GAS6: variants seen among roughly 807,000 people sequenced by gnomAD.
GAS6 encodes the protein growth arrest-specific protein 6.
Under a neutral mutation model 75.8 loss-of-function variants are expected in GAS6, and 41 were observed. The observed-to-expected ratio is 0.54, with a 90% CI of 0.42 to 0.70. The LOEUF is 0.70. Among genes scored for constraint, GAS6 ranks in the 30% least tolerant of loss-of-function variants. The pLI is 0.00. For synonymous variants in GAS6, 432 were observed against 412.6 expected (o/e 1.05, Z -0.57); for missense variants, 854 against 940.2 (o/e 0.91, Z 1.20).
At chr13:113,855,086 T>C (rs1432514602) in intron 2 of GAS6, among the ~76,000 whole-genome samples, 3 of 152,212 alleles carry the variant, frequency 2.0e-5, no homozygotes, top group South Asian at 2.1e-4. Context: ...TTTGTGATCA[T>C]ATAAAACAGC....
intron 3 of GAS6, chr13:113,847,676 T>G: frequency 3.2e-6 from 1 of 315,746 alleles, no homozygotes; most frequent in East Asian, 9.8e-5. Flanking sequence ...CATGGACCCC[T>G]TTGGGGTCCT....
chr13:113,841,127 G>C (rs1288024572), intron 4 of GAS6: 1 of 152,220 alleles, frequency 6.6e-6, no homozygotes, highest in Non-Finnish European at 1.5e-5. Flanking sequence ...GTCTGGGCTC[G>C]GCTGTCAGTG....
chr13:113,844,130 T>G lies in GAS6; in HGVS notation c.343+2397A>C, dbSNP rs1260321905. The G allele has an allele frequency of 6.7e-6, 1 of 150,230 alleles. No individual in the cohort carries two copies. Among genetic ancestry groups the G allele is most frequent in the African/African-American group, 2.5e-5 (1 of 39,834 alleles). The allele number at this position is 150,230 out of a possible 1,614,324, so 9.3% of individuals were successfully genotyped here. A position where few individuals can be genotyped will look rare whatever the true frequency, so the allele number is the denominator to read the frequency against. ...CCTCTGAGGGCCGGCTCAGGGAGAG[T>G]GGCCGGAGCTTCTGGCCTGGGGCAG... On this transcript the variant is annotated intron_variant, in intron 4 of 14. Transcript: ENST00000327773. This position sits in a 1 kb window ranked among gnomAD's most constrained non-coding sequence, Gnocchi z 5.7.
chr13:113,824,034 G>A (rs958166788), intron 12 of GAS6, among the ~76,000 whole-genome samples: 3 of 142,952 alleles, frequency 2.1e-5, no homozygotes, highest in African/African-American at 8.4e-5. Context: ...TCATGAGCAC[G>A]GTGGTCTGGG....
intron 2 of GAS6, among the ~76,000 whole-genome samples, chr13:113,850,409 G>GT (rs1295308150): frequency 2.0e-5 from 3 of 152,144 alleles, no homozygotes; most frequent in African/African-American, 7.2e-5. Flanking sequence ...AAGACCTATG[G>GT]TAATGGGTTG....
chr13:113,847,915 T>A (rs1451436186), intron 3 of GAS6, 111 bp downstream of exon 3: 2 of 1,006,966 alleles, frequency 2.0e-6, no homozygotes, highest in East Asian at 4.8e-5. Flanking sequence ...ACCATGTGAT[T>A]AAGAATCTTC....
Position 113,837,465 on chromosome 13 carries a change from G to C in GAS6, c.589+604C>G, listed in dbSNP as rs1319118763. ...CCAGATACAACGTGGGGAGGGAGGA[G>C]GAAGGTGCTCCCCCTGCAAAGTGGC... On this transcript the variant is annotated intron_variant, in intron 6 of 14. Coordinates refer to ENST00000327773, the MANE Select transcript of GAS6 (RefSeq NM_000820.4). This position sits in a 1 kb window ranked among gnomAD's most constrained non-coding sequence, Gnocchi z 5.1. 6.6e-6 allele frequency among the ~76,000 whole-genome samples: 1 copy of C among 152,162 alleles called. No homozygotes were observed. Among genetic ancestry groups the C allele is most frequent in the Admixed American group, 6.5e-5 (1 of 15,280 alleles).
rs916580589 is a variant in GAS6, at chr13:113,826,756, G to A, written c.1477+240C>T. ...GCACTGGCTTCGCAGGCACCTTCTC[G>A]GCACATCTCTCTCATTTCTTCTTCA... On this transcript the variant is annotated intron_variant, in intron 12 of 14. Transcript: ENST00000327773. Among the ~76,000 whole-genome samples the A allele has an allele frequency of 7.2e-5, 11 of 151,872 alleles. 1 individual carries two copies. Among genetic ancestry groups the A allele is most frequent in the South Asian group, 2.1e-4 (1 of 4,794 alleles).
At position 113,837,640 on chromosome 13, in the gene GAS6, G is replaced by A. The variant is rs2051730925; in HGVS notation, c.589+429C>T. On this transcript the variant is annotated intron_variant, in intron 6 of 14. Transcript: ENST00000327773. This position sits in a 1 kb window ranked among gnomAD's most constrained non-coding sequence, Gnocchi z 5.1. The stretch of plus-strand genomic sequence containing the variant: ...TATGAAAGGAAGTGGGGAGGGCAGG[G>A]CTATATTTAGTGGACAGAGGGAGAC... 6.6e-6 allele frequency among the ~76,000 whole-genome samples: 1 copy of A among 152,176 alleles called. No homozygotes were observed. The highest frequency in any genetic ancestry group is 2.4e-5 in the African/African-American group (1 of 41,430).
chr13:113,847,460 G>A (rs900452260), intron 3 of GAS6, among the ~76,000 whole-genome samples: 2 of 152,218 alleles, frequency 1.3e-5, no homozygotes, highest in African/African-American at 2.4e-5. Flanking sequence ...GGGCTGACCC[G>A]GGGTCTCTGG....
At chr13:113,842,964 G>T in intron 4 of GAS6, 1 of 396,342 alleles carries the variant, frequency 2.5e-6, no homozygotes, top group African/African-American at 2.1e-5. Flanking sequence ...CTGCCCCGGG[G>T]CCTCCCCCAA....
At chr13:113,856,274 A>G (rs1415100263) in intron 2 of GAS6, among the ~76,000 whole-genome samples, 2 of 152,182 alleles carry the variant, frequency 1.3e-5, no homozygotes, top group East Asian at 3.9e-4. Flanking sequence ...AGGAGCACAC[A>G]GTGGGGCCGG....
intron 14 of GAS6, 88 bp downstream of exon 14, chr13:113,821,870 C>G (rs41307142): frequency 0.073 from 78,634 of 1,083,460 alleles, 5,278 homozygotes; most frequent in African/African-American, 0.32. Context: ...TACCAGAAAC[C>G]CCAGCCTGTC....
chr13:113,837,285 T>G lies in GAS6; in HGVS notation c.589+784A>C, dbSNP rs1424857128. On this transcript the variant is annotated intron_variant, in intron 6 of 14. Transcript: ENST00000327773. This position sits in a 1 kb window ranked among gnomAD's most constrained non-coding sequence, Gnocchi z 5.1. ...CCTTTTGAAATCGGGGGATGGGGTGTGGCCCCTCCTGTCTGGTCAGATTCA... is the reference window on the plus strand; with the variant it reads ...CCTTTTGAAATCGGGGGATGGGGTGGGGCCCCTCCTGTCTGGTCAGATTCA... Among the ~76,000 whole-genome samples, 1 of 152,054 alleles carries G rather than the reference T, an allele frequency of 6.6e-6. No individual in the cohort carries two copies. The highest frequency in any genetic ancestry group is 1.5e-5 in the Non-Finnish European group (1 of 67,974).
chr13:113,821,505 TC>T (rs1197177177), intron 14 of GAS6: 2 of 229,708 alleles, frequency 8.7e-6, no homozygotes, highest in Non-Finnish European at 1.7e-5. Context: ...ACATCCCCGG[TC>T]CCAGCCTCTG....
intron 10 of GAS6, among the ~76,000 whole-genome samples, 163 bp from the exon 11 acceptor site, chr13:113,828,874 C>T (rs1265525186): frequency 6.8e-6 from 1 of 146,608 alleles, no homozygotes; most frequent in African/African-American, 2.6e-5. Flanking sequence ...CTCAGGGAGA[C>T]CACCTGATCC....
In GAS6 at chr13:113,837,081, C is replaced by T. The variant is rs1401437957; in HGVS notation, c.589+988G>A. 6.6e-6 allele frequency among the ~76,000 whole-genome samples: 1 copy of T among 151,824 alleles called. No homozygotes were observed. Among genetic ancestry groups the T allele is most frequent in the African/African-American group, 2.4e-5 (1 of 41,290 alleles). Reference sequence around the variant, plus strand: ...CAGGATCGGCCTAGTCTTCACCTCTCTTTAAACCTGGGGTGCTGCTGTCTT... The same window carrying T: ...CAGGATCGGCCTAGTCTTCACCTCTTTTTAAACCTGGGGTGCTGCTGTCTT... On this transcript the variant is annotated intron_variant, in intron 6 of 14. Coordinates refer to ENST00000327773, the MANE Select transcript of GAS6 (RefSeq NM_000820.4). The surrounding 1 kb of genome is among the most constrained non-coding windows in gnomAD (Gnocchi z 5.1).
chr13:113,836,946 AG>A (rs2051723829), intron 6 of GAS6, among the ~76,000 whole-genome samples: 1 of 143,318 alleles, frequency 7.0e-6, no homozygotes. Context: ...GAGGAGGAGG[AG>A]AGGACGGGAA....
In GAS6 at chr13:113,834,622, G is replaced by A. The variant is rs1449530883; in HGVS notation, c.763C>T (p.Pro255Ser). 1 of 1,608,122 alleles carries A rather than the reference G, an allele frequency of 6.2e-7. No individual in the cohort carries two copies. The highest frequency in any genetic ancestry group is 1.3e-5 in the African/African-American group (1 of 74,788). ...GRCEQVCVNSPGSYTCHCDGR... is the reference protein window; with the variant it reads ...GRCEQVCVNSSGSYTCHCDGR... ...TCACAGTGGCAGGTGTAGCTCCCTG[G>A]GGAGTTCACGCAGACCTGCTCACAG... The change falls in exon 8 of 15, where the codon CCA (proline) becomes TCA (serine). Residue 255 changes from proline to serine, a missense_variant. Physicochemically the swap from Pro to Ser is moderately conservative, Grantham distance 74 (BLOSUM62 -1). Coordinates refer to ENST00000327773, the MANE Select transcript of GAS6 (RefSeq NM_000820.4).
Sources: gnomAD v4.1 joint callset for allele counts (sites outside exome capture counted in the v4.1 genomes callset) on GRCh38, gnomAD v4.1.1 for gene constraint, Gnocchi (gnomAD v3.1) non-coding constraint, MANE v1.5 for transcripts, NCBI Gene and HGNC (gene_info 2026-07-23, HGNC 2026-07-21) for gene names.